ARFGAP1: variants seen among roughly 807,000 people sequenced by gnomAD.
ARFGAP1 encodes the protein ARF GTPase activating protein 1.
A neutral mutation model predicts 54.0 loss-of-function variants in ARFGAP1; 26 were observed. The ratio of observed to expected loss-of-function variants is 0.48; its 90% CI spans 0.35 to 0.67. The LOEUF (loss-of-function observed/expected upper bound fraction) is 0.67, where lower values mean the gene tolerates loss of function less well. Among genes scored for constraint, ARFGAP1 ranks in the 30% least tolerant of loss-of-function variants. The probability of loss-of-function intolerance (pLI) is 0.00; values close to 1 mark genes in which losing one functional copy is unlikely to be tolerated. For missense variants in ARFGAP1, 525 were observed against 535.8 expected (o/e 0.98, Z 0.20); for synonymous variants, 248 against 211.9 (o/e 1.17, Z -1.48).
chr20:63,280,037 G>A (rs111631940), intron 7 of ARFGAP1, among the ~76,000 whole-genome samples: 217 of 152,270 alleles, frequency 1.4e-3, no homozygotes, highest in African/African-American at 5.0e-3. Flanking sequence ...AGCTACTGAG[G>A]AAGCTGAGGC....
In ARFGAP1 at chr20:63,288,826, C is replaced by G. The variant is rs1170255344; in HGVS notation, c.*953C>G. ...ATGTGCTGCCACGTGTGACTCGTCT[C>G]CCTTGTCTGCCCTGTGTGACCCTCA... On this transcript the variant is annotated 3_prime_UTR_variant, in exon 13 of 13. Transcript: ENST00000370283. 1 of 321,494 alleles carries G rather than the reference C, an allele frequency of 3.1e-6. No individual in the cohort carries two copies. The highest frequency in any genetic ancestry group is 6.2e-6 in the Non-Finnish European group (1 of 161,312). 19.9% of individuals were successfully genotyped at this position (321,494 alleles called of 1,614,324 possible).
At chr20:63,284,031 C>T (rs907615762) in intron 9 of ARFGAP1, 1 of 1,455,144 alleles carries the variant, frequency 6.9e-7, no homozygotes, top group Non-Finnish European at 9.1e-7. Context: ...CCGTGGCTCT[C>T]CTTTAAGATC....
chr20:63,288,795 T>A lies in ARFGAP1; in HGVS notation c.*922T>A. 1 of 338,066 alleles carries A rather than the reference T, an allele frequency of 3.0e-6. No homozygotes were observed. The highest frequency in any genetic ancestry group is 3.9e-5 in the Admixed American group (1 of 25,904). The allele number at this position is 338,066 out of a possible 1,614,324, so 20.9% of individuals were successfully genotyped here. On this transcript the variant is annotated 3_prime_UTR_variant, in exon 13 of 13. Coordinates refer to ENST00000370283, the MANE Select transcript of ARFGAP1 (RefSeq NM_018209.4). ...TGCCAACCCTCACCTCCCCGAGGAC[T>A]GGATGATGTGCTGCCACGTGTGACT... is the stretch of plus-strand genomic sequence containing the variant.
chr20:63,275,956 G>T (rs1404272774), intron 2 of ARFGAP1, 135 bp from the exon 3 acceptor site: 3 of 757,888 alleles, frequency 4.0e-6, no homozygotes, highest in Non-Finnish European at 6.9e-6. Flanking sequence ...TTCCCCTCAC[G>T]CCTTGCCCTG....
intron 11 of ARFGAP1, 61 bp downstream of exon 11, chr20:63,285,774 G>A: frequency 6.3e-7 from 1 of 1,588,920 alleles, no homozygotes; most frequent in African/African-American, 1.3e-5. Flanking sequence ...CCACGGCCCT[G>A]GGCGTGAGAG....
chr20:63,285,353 T>G, intron 10 of ARFGAP1: 1 of 523,232 alleles, frequency 1.9e-6, no homozygotes, highest in South Asian at 2.2e-5. Context: ...CTTCGGGGCC[T>G]GACTGGGACA....
intron 7 of ARFGAP1, among the ~76,000 whole-genome samples, chr20:63,280,890 A>T (rs1302715395): frequency 6.6e-6 from 1 of 152,166 alleles, no homozygotes; most frequent in Non-Finnish European, 1.5e-5. Context: ...GGAAACCCTG[A>T]GCATAGATGA....
chr20:63,285,770 C>A, intron 11 of ARFGAP1, 57 bp downstream of exon 11: 1 of 1,592,894 alleles, frequency 6.3e-7, no homozygotes, highest in Admixed American at 1.7e-5. Flanking sequence ...TATTCCACGG[C>A]CCTGGGCGTG....
At chr20:63,275,973 A>C (rs1601333229) in intron 2 of ARFGAP1, 118 bp from the exon 3 acceptor site, 4 of 889,982 alleles carry the variant, frequency 4.5e-6, no homozygotes, top group Middle Eastern at 4.5e-4. Flanking sequence ...CCTGACCCAC[A>C]CCCCCGGCCA....
chr20:63,280,186 G>A (rs530222926), intron 7 of ARFGAP1, among the ~76,000 whole-genome samples: 3 of 152,246 alleles, frequency 2.0e-5, no homozygotes, highest in African/African-American at 4.8e-5. Context: ...TGTTGTCCGT[G>A]ACACCAGCAA....
In ARFGAP1 at chr20:63,288,822, G is replaced by A. The variant is rs561685232; in HGVS notation, c.*949G>A. ...GATGATGTGCTGCCACGTGTGACTC[G>A]TCTCCCTTGTCTGCCCTGTGTGACC... On this transcript the variant is annotated 3_prime_UTR_variant, in exon 13 of 13. Transcript: ENST00000370283. The A allele has an allele frequency of 2.4e-5, 8 of 326,814 alleles. No individual in the cohort carries two copies. The highest frequency in any genetic ancestry group is 3.7e-5 in the Non-Finnish European group (6 of 163,970). The allele number at this position is 326,814 out of a possible 1,614,324, so 20.2% of individuals were successfully genotyped here. A position where few individuals can be genotyped will look rare whatever the true frequency, so the allele number is the denominator to read the frequency against.
chr20:63,284,052 A>G, intron 9 of ARFGAP1: 1 of 1,436,042 alleles, frequency 7.0e-7, no homozygotes, highest in African/African-American at 1.4e-5. Flanking sequence ...CAGGATCTGC[A>G]TCAGGCTTGG....
intron 7 of ARFGAP1, 96 bp from the exon 8 acceptor site, chr20:63,281,195 C>G: frequency 7.3e-7 from 1 of 1,360,758 alleles, no homozygotes; most frequent in Non-Finnish European, 1.0e-6. Flanking sequence ...CTGGGGCAGC[C>G]TCTGCCTTGG....
intron 6 of ARFGAP1, 105 bp downstream of exon 6, chr20:63,278,308 G>A (rs962532778): frequency 5.0e-6 from 6 of 1,207,698 alleles, no homozygotes; most frequent in Non-Finnish European, 6.0e-6. Flanking sequence ...CAGTGGGTGT[G>A]GGACCCAGGC....
rs1202512264 is a variant in ARFGAP1 at position 63,287,896 on chromosome 20, A to G, written c.*23A>G. ...TAGGGCCCACTGCGCCCCCGTCCCC[A>G]GCGCCCCCGGGCGACTTCGTGTTTG... On this transcript the variant is annotated 3_prime_UTR_variant, in exon 13 of 13. Coordinates refer to ENST00000370283, the MANE Select transcript of ARFGAP1 (RefSeq NM_018209.4). 3 of 1,487,766 alleles carry G rather than the reference A, an allele frequency of 2.0e-6. No individual in the cohort carries two copies. The East Asian group carries it at 7.4e-5, about 37-fold the overall frequency. 92.2% of individuals were successfully genotyped at this position (1,487,766 alleles called of 1,614,324 possible).
intron 1 of ARFGAP1, among the ~76,000 whole-genome samples, chr20:63,275,043 T>G (rs780036652): frequency 3.9e-5 from 6 of 152,166 alleles, no homozygotes; most frequent in Non-Finnish European, 7.3e-5. Context: ...CAGGCTGGAC[T>G]TTCCACACAC....
chr20:63,279,228 T>C, intron 7 of ARFGAP1: 1 of 612,372 alleles, frequency 1.6e-6, no homozygotes, highest in Non-Finnish European at 3.0e-6. Context: ...AGACGGAGTC[T>C]TGCTTTGTCG....
Position 63,281,329 on chromosome 20 carries a change from C to G in ARFGAP1, c.666C>G (p.Ala222=). The change falls in exon 8 of 13, where the codon GCC becomes GCG. Residue 222 remains alanine, a synonymous_variant. Transcript: ENST00000370283. ...TCACCACTGGAGCCAGCCGGTTTGC[C>G]TCGGCAGCCAAGGAGGGCGTAAGTC... is the stretch of plus-strand genomic sequence containing the variant. ...SSFTTGASRF[A]SAAKEGATKF... is the part of the protein sequence containing the mutation. 2 of 1,600,706 alleles carry G rather than the reference C, an allele frequency of 1.2e-6. No individual in the cohort carries two copies. Among genetic ancestry groups the G allele is most frequent in the Non-Finnish European group, 8.5e-7 (1 of 1,177,250 alleles).
chr20:63,280,840 A>G (rs1452234371), intron 7 of ARFGAP1, among the ~76,000 whole-genome samples: 2 of 152,148 alleles, frequency 1.3e-5, no homozygotes, highest in African/African-American at 2.4e-5. Context: ...TGAGACGTTT[A>G]TTTTTTTAAA....
Sources: allele counts gnomAD v4.1 joint callset (sites outside exome capture counted in the v4.1 genomes callset), GRCh38; gene constraint gnomAD v4.1.1; transcripts MANE v1.5; gene names NCBI Gene and HGNC (gene_info 2026-07-23, HGNC 2026-07-21).